The following TJP2 variants were observed in gnomAD, a reference collection of about 807,000 sequenced individuals.
TJP2 encodes Friedreich ataxia region gene X104 (tight junction protein ZO-2).
A neutral mutation model predicts 133.1 loss-of-function variants in TJP2; 91 were observed. The ratio of observed to expected loss-of-function variants is 0.68; its 90% CI spans 0.58 to 0.81. TJP2 has a LOEUF of 0.81. TJP2 is among the 40% of genes least tolerant of loss of function. The pLI, the probability that TJP2 is intolerant of heterozygous loss-of-function variation, is 0.00. For synonymous variants in TJP2, 592 were observed against 583.4 expected (o/e 1.01, Z -0.21); for missense variants, 1,541 against 1,565.6 (o/e 0.98, Z 0.26).
chr9:69,144,258 C>T (rs930454510), intron 1 of TJP2, among the ~76,000 whole-genome samples: 1 of 152,118 alleles, frequency 6.6e-6, no homozygotes, highest in Non-Finnish European at 1.5e-5. Context: ...GGTATGTGCA[C>T]CTCACTTTGG....
chr9:69,192,408 A>G (rs1826264687), intron 1 of TJP2, among the ~76,000 whole-genome samples: 2 of 152,182 alleles, frequency 1.3e-5, no homozygotes, highest in Admixed American at 1.3e-4. Context: ...AGTGCGTACC[A>G]GGAACTTGAA....
intron 21 of TJP2, among the ~76,000 whole-genome samples, chr9:69,251,851 A>G (rs1009941878): frequency 9.2e-5 from 14 of 152,202 alleles, no homozygotes; most frequent in African/African-American, 2.9e-4. Flanking sequence ...TCTGTGGAGT[A>G]TATTTGCCCA....
At chr9:69,212,411 A>G in intron 1 of TJP2, 137 bp from the exon 2 acceptor site, 2 of 701,262 alleles carry the variant, frequency 2.9e-6, no homozygotes, top group South Asian at 1.5e-5. Context: ...AGGTAGCATA[A>G]TGAACAGATA....
chr9:69,166,793 C>T (rs1025793597), intron 2 of TJP2, among the ~76,000 whole-genome samples: 2 of 152,132 alleles, frequency 1.3e-5, no homozygotes, highest in African/African-American at 4.8e-5. Flanking sequence ...AAAAATTAGC[C>T]AGGCCTGGTG....
intron 1 of TJP2, among the ~76,000 whole-genome samples, chr9:69,141,213 GC>G (rs1322356640): frequency 6.6e-6 from 1 of 152,164 alleles, no homozygotes; most frequent in Admixed American, 6.5e-5. Context: ...TTATATATAT[GC>G]AAGTTGTTTG....
Position 69,227,997 on chromosome 9 carries a change from C to A in TJP2, c.1336C>A (p.Pro446Thr), listed in dbSNP as rs141175414. 7.4e-6 allele frequency: 12 copies of A among 1,614,032 alleles called. No individual in the cohort carries two copies. The African/African-American group carries it at 1.5e-4, about 20-fold the overall frequency. The part of the protein sequence containing the change: ...KERPSSREDT[P>T]SRLSRMGATP... ...GTGATTCAGTTCCAGAGAGGACACG[C>A]CGAGCAGATTGTCCAGGATGGGTGC... is the stretch of plus-strand genomic sequence containing the variant. Residue 446 changes from proline to threonine, a missense_variant, in exon 9 of 23, where the codon CCG (proline) becomes ACG (threonine). Physicochemically the swap from Pro to Thr is conservative, Grantham distance 38. Transcript: ENST00000377245.
chr9:69,203,714 G>A (rs181426929), intron 1 of TJP2, among the ~76,000 whole-genome samples: 380 of 146,722 alleles, frequency 2.6e-3, no homozygotes, highest in African/African-American at 8.3e-3. Flanking sequence ...CCTGGGCTCA[G>A]GTGATCCTCC....
intron 1 of TJP2, among the ~76,000 whole-genome samples, chr9:69,136,336 T>G (rs1044304293): frequency 2.6e-5 from 4 of 152,146 alleles, no homozygotes; most frequent in African/African-American, 9.7e-5. Context: ...CTGGGTGACA[T>G]AGTGAGACTT....
At chr9:69,237,649 T>C (rs1311140652) in intron 14 of TJP2, among the ~76,000 whole-genome samples, 2 of 151,518 alleles carry the variant, frequency 1.3e-5, no homozygotes, top group African/African-American at 4.9e-5. Flanking sequence ...AGATCTTGTC[T>C]CTTAAAAAAA....
At chr9:69,235,926 G>GA (rs1229609506) in intron 12 of TJP2, 102 bp from the exon 13 acceptor site, 2 of 1,090,316 alleles carry the variant, frequency 1.8e-6, no homozygotes, top group Non-Finnish European at 2.8e-6. Flanking sequence ...CTGAATGGAA[G>GA]GAAGGTAAAG....
intron 5 of TJP2, among the ~76,000 whole-genome samples, chr9:69,223,469 G>A (rs1453509041): frequency 1.3e-5 from 2 of 152,020 alleles, no homozygotes; most frequent in East Asian, 1.9e-4. Context: ...CACCACACCC[G>A]GCTAATTTTT....
At chr9:69,248,505 C>G (rs1322371924) in intron 19 of TJP2, 1 of 1,300,140 alleles carries the variant, frequency 7.7e-7, no homozygotes, top group African/African-American at 1.5e-5. Context: ...TGCCGTCTGT[C>G]CAAATTACCA....
rs773679626 is a variant in TJP2, at chr9:69,218,279, G to C, written c.262G>C (p.Val88Leu). 9.3e-6 allele frequency: 15 copies of C among 1,614,096 alleles called. No homozygotes were observed. The highest frequency in any genetic ancestry group is 1.3e-5 in the Non-Finnish European group (15 of 1,179,954). ...LLQENDRVVMVNGTPMEDVLH... is the reference protein window; with the variant it reads ...LLQENDRVVMLNGTPMEDVLH... ...CAGAGAAAATGACAGAGTGGTCATG[G>C]TCAATGGCACCCCCATGGAGGATGT... Residue 88 changes from valine to leucine, a missense_variant, in exon 4 of 23, where the codon GTC becomes CTC. Coordinates refer to ENST00000377245, the MANE Select transcript of TJP2 (RefSeq NM_004817.4).
At chr9:69,225,438 T>C in intron 6 of TJP2, 31 bp downstream of exon 6, 1 of 1,443,814 alleles carries the variant, frequency 6.9e-7, no homozygotes, top group Non-Finnish European at 9.7e-7. Flanking sequence ...AACGGTAGTG[T>C]GCATACTGCC....
intron 11 of TJP2, among the ~76,000 whole-genome samples, chr9:69,231,297 C>T (rs1829760783): frequency 6.6e-6 from 1 of 152,040 alleles, no homozygotes; most frequent in Non-Finnish European, 1.5e-5. Flanking sequence ...AGGGTTTCAT[C>T]ATGTTGCCCA....
At chr9:69,181,011 C>T (rs1825456955) in intron 1 of TJP2, among the ~76,000 whole-genome samples, 1 of 152,048 alleles carries the variant, frequency 6.6e-6, no homozygotes, top group Admixed American at 6.6e-5. Flanking sequence ...GTTGTATAAG[C>T]TAGTAGGAAT....
chr9:69,180,783 A>G (rs1825438347), intron 1 of TJP2, among the ~76,000 whole-genome samples: 1 of 152,238 alleles, frequency 6.6e-6, no homozygotes, highest in East Asian at 1.9e-4. Context: ...CAGTTTTAGC[A>G]GCCTGGTTTC....
intron 14 of TJP2, among the ~76,000 whole-genome samples, chr9:69,237,474 T>A (rs1438985331): frequency 6.6e-6 from 1 of 152,182 alleles, no homozygotes; most frequent in Non-Finnish European, 1.5e-5. Context: ...AAGACTAGCC[T>A]GGGCAATATA....
At chr9:69,225,567 C>G (rs1357886421) in intron 6 of TJP2, among the ~76,000 whole-genome samples, 160 bp downstream of exon 6, 1 of 152,120 alleles carries the variant, frequency 6.6e-6, no homozygotes, top group Non-Finnish European at 1.5e-5. Context: ...ATCAGAAAAA[C>G]CAGACATTGA....
Sources: allele counts gnomAD v4.1 joint callset (sites outside exome capture counted in the v4.1 genomes callset), GRCh38; gene constraint gnomAD v4.1.1; transcripts MANE v1.5; gene names NCBI Gene and HGNC (gene_info 2026-07-23, HGNC 2026-07-21).